The following MAPK8IP3 variants were observed in gnomAD, a reference collection of about 807,000 sequenced individuals.
MAPK8IP3 encodes the protein C-Jun-amino-terminal kinase-interacting protein 3.
In MAPK8IP3, 49 loss-of-function variants were observed where a neutral mutation model predicts 157.8. That is an observed-to-expected ratio of 0.31 (90% confidence interval 0.25 to 0.39). MAPK8IP3 has a LOEUF of 0.39. MAPK8IP3 is among the 10% of genes least tolerant of loss of function. The pLI is 1.00. For missense variants in MAPK8IP3, 1,478 were observed against 1,889.4 expected (o/e 0.78, Z 4.04); for synonymous variants, 897 against 777.7 (o/e 1.15, Z -2.55).
In MAPK8IP3 at chr16:1,766,953, A is replaced by G; in HGVS notation, c.3070A>G (p.Ile1024Val). 2 of 1,591,180 alleles carry G rather than the reference A, an allele frequency of 1.3e-6. No individual in the cohort carries two copies. The highest frequency in any genetic ancestry group is 1.7e-6 in the Non-Finnish European group (2 of 1,166,394). Residue 1024 changes from isoleucine to valine, a missense_variant, in exon 25 of 32, where the codon ATC becomes GTC. By Grantham distance (29) the Ile-to-Val change is conservative. Transcript: ENST00000610761. ...LVALADGTLA[I>V]FHRGEDGQWD... ...GGCTCTGGCGGACGGGACCCTGGCC[A>G]TCTTCCACCGTGGTGAAGGTGGGGC...
chr16:1,713,266 C>T (rs1471104341), intron 1 of MAPK8IP3, among the ~76,000 whole-genome samples: 1 of 152,168 alleles, frequency 6.6e-6, no homozygotes, highest in Non-Finnish European at 1.5e-5. Flanking sequence ...TTACTTGTTT[C>T]GGAGATGAGG....
In MAPK8IP3 at chr16:1,748,234, T is replaced by G; in HGVS notation, c.995-10T>G. The G allele has an allele frequency of 6.2e-7, 1 of 1,607,522 alleles. No homozygotes were observed. The highest frequency in any genetic ancestry group is 1.3e-5 in the African/African-American group (1 of 74,898). ...CTCCTGACCCCAGGTGCCCCTGTGC[T>G]CTCCCCTAGGCATGGGCAGCAGTGA... On this transcript the variant is annotated splice_polypyrimidine_tract_variant and intron_variant, in intron 6 of 31. Transcript: ENST00000610761.
intron 2 of MAPK8IP3, among the ~76,000 whole-genome samples, chr16:1,725,132 C>A (rs565704464): frequency 2.7e-5 from 4 of 149,856 alleles, no homozygotes; most frequent in African/African-American, 9.9e-5. Flanking sequence ...CCCTGCAAGG[C>A]GAAGTAGCAG....
chr16:1,760,641 G>GCCTA, intron 12 of MAPK8IP3, 109 bp downstream of exon 12: 1 of 1,356,952 alleles, frequency 7.4e-7, no homozygotes, highest in Non-Finnish European at 9.9e-7. Context: ...TCTGTGCATA[G>GCCTA]CCTACCTACC....
At position 1,768,502 on chromosome 16, in the gene MAPK8IP3, G is replaced by C. The variant is rs2076431; in HGVS notation, c.3768G>C (p.Gly1256=). The change falls in exon 31 of 32, where the codon GGG becomes GGC. Residue 1256 remains glycine, a synonymous_variant. Transcript: ENST00000610761. The part of the protein sequence containing the change: ...VPGNVLATLN[G]SVLDSPAEGP... ...GGAACGTGCTGGCCACCCTGAATGGGAGTGTGCTGGACAGCCCAGCCGAGG... is the reference window on the plus strand; with the variant it reads ...GGAACGTGCTGGCCACCCTGAATGGCAGTGTGCTGGACAGCCCAGCCGAGG... The C allele has an allele frequency of 0.78, 1,222,031 of 1,557,170 alleles. 481,043 individuals are homozygous for C. Among genetic ancestry groups the C allele is most frequent in the Admixed American group, 0.87 (45,483 of 51,988 alleles).
chr16:1,767,096 G>A, intron 25 of MAPK8IP3, 53 bp from the exon 26 acceptor site: 1 of 1,604,250 alleles, frequency 6.2e-7, no homozygotes, highest in Non-Finnish European at 8.5e-7. Context: ...CCGATGCCCT[G>A]AGCAGAGGTG....
Position 1,764,167 on chromosome 16 carries a change from C to T in MAPK8IP3, c.2078C>T (p.Pro693Leu), listed in dbSNP as rs1170358324. ...ACGCGGATGAAGAACGTGCCGGTGC[C>T]GGTGTACTGCCGCCCTCTGGTGGAG... is the stretch of plus-strand genomic sequence containing the variant. ...EDTRMKNVPV[P>L]VYCRPLVEKD... is the part of the protein sequence containing the mutation. Residue 693 changes from proline to leucine, a missense_variant, in exon 18 of 32, where the codon CCG becomes CTG. Around this residue, in one of 11 missense-constraint regions of MAPK8IP3, gnomAD observed 669 missense variants for 759.8 expected, o/e 0.88. Transcript: ENST00000610761. 1 of 1,611,670 alleles carries T rather than the reference C, an allele frequency of 6.2e-7. No homozygotes were observed. Among genetic ancestry groups the T allele is most frequent in the Non-Finnish European group, 8.5e-7 (1 of 1,179,570 alleles).
At chr16:1,718,717 TG>T (rs1240206884) in intron 1 of MAPK8IP3, among the ~76,000 whole-genome samples, 1 of 150,354 alleles carries the variant, frequency 6.7e-6, no homozygotes, top group African/African-American at 2.5e-5. Flanking sequence ...CGCTTGAACC[TG>T]GGAGATGGAG....
At chr16:1,758,099 C>T (rs1385401522) in intron 8 of MAPK8IP3, 49 bp from the exon 9 acceptor site, 7 of 1,608,708 alleles carry the variant, frequency 4.4e-6, no homozygotes, top group South Asian at 2.2e-5. Flanking sequence ...CCTAATTGAC[C>T]TTTGTCCCTT....
chr16:1,746,526 T>G (rs544248476), intron 5 of MAPK8IP3: 1 of 163,510 alleles, frequency 6.1e-6, no homozygotes, highest in African/African-American at 2.4e-5. Flanking sequence ...GGCCCTGACC[T>G]GAGCCCGGGG....
chr16:1,753,243 C>T (rs950628319), intron 8 of MAPK8IP3, among the ~76,000 whole-genome samples: 1 of 152,248 alleles, frequency 6.6e-6, no homozygotes, highest in East Asian at 1.9e-4. Context: ...TGTATTCCAT[C>T]GAATCTCAGA....
intron 26 of MAPK8IP3, 98 bp downstream of exon 26, chr16:1,767,395 G>A: frequency 6.5e-7 from 1 of 1,548,324 alleles, no homozygotes; most frequent in Non-Finnish European, 8.8e-7. Flanking sequence ...CCCTACGTGG[G>A]TCCCATCTCC....
At chr16:1,744,133 G>A (rs2040835570) in intron 5 of MAPK8IP3, 1 of 985,514 alleles carries the variant, frequency 1.0e-6, no homozygotes, top group African/African-American at 1.7e-5. Context: ...ACTCCTTCAG[G>A]GCCCCAGGTC....
chr16:1,744,452 T>C, intron 5 of MAPK8IP3: 1 of 985,866 alleles, frequency 1.0e-6, no homozygotes, highest in Non-Finnish European at 1.2e-6. Context: ...GCTGCTGCGC[T>C]GCTCTGGGAG....
At chr16:1,725,197 G>A (rs1055034264) in intron 2 of MAPK8IP3, among the ~76,000 whole-genome samples, 2 of 147,020 alleles carry the variant, frequency 1.4e-5, no homozygotes, top group African/African-American at 5.1e-5. Context: ...AAGAACAGTT[G>A]GTTTACTTAC....
chr16:1,706,934 C>T lies in MAPK8IP3; in HGVS notation c.318+277C>T, dbSNP rs1462626353. On this transcript the variant is annotated intron_variant, in intron 1 of 31. Transcript: ENST00000610761. This position sits in a 1 kb window ranked among gnomAD's most constrained non-coding sequence, Gnocchi z 5.1. ...GACTCCCGGGGACCCCCTTTTCCGC[C>T]CAGGCCTGGGCCCTGGCCCCCTCCT... Among the ~76,000 whole-genome samples the T allele has an allele frequency of 6.6e-6, 1 of 151,052 alleles. No homozygotes were observed. Among genetic ancestry groups the T allele is most frequent in the East Asian group, 2.0e-4 (1 of 5,084 alleles).
In MAPK8IP3 at chr16:1,760,395, G is replaced by A. The variant is rs372561366; in HGVS notation, c.1320G>A (p.Val440=). The A allele has an allele frequency of 6.2e-7, 1 of 1,612,988 alleles. No individual in the cohort carries two copies. Among genetic ancestry groups the A allele is most frequent in the Non-Finnish European group, 8.5e-7 (1 of 1,179,380 alleles). Residue 440 remains valine, a synonymous_variant, in exon 12 of 32, where the codon GTG becomes GTA. Transcript: ENST00000610761. ...TTTTTCAAAGAAACGCCTTGAATGT[G>A]GTGAAGAATGACCTGATTGCCAAGG... is the stretch of plus-strand genomic sequence containing the variant. ...QLLETKNALN[V]VKNDLIAKVD... is the part of the protein sequence containing the mutation.
At position 1,768,731 on chromosome 16, in the gene MAPK8IP3, G is replaced by A. The variant is rs780663643; in HGVS notation, c.3921G>A (p.Glu1307=). The A allele has an allele frequency of 1.9e-6, 3 of 1,612,658 alleles. No homozygotes were observed. The highest frequency in any genetic ancestry group is 2.2e-5 in the South Asian group (2 of 91,088). ...IGDGEDDETE[E]GAGDMSQVKP... is the part of the protein sequence containing the mutation. ...ACGGAGAGGACGACGAGACGGAGGA[G>A]GGCGCAGGGGACATGAGCCAGGTGA... The change falls in exon 32 of 32, where the codon GAG becomes GAA. Residue 1307 remains glutamate (E), a synonymous_variant. Coordinates refer to ENST00000610761, the MANE Select transcript of MAPK8IP3 (RefSeq NM_001318852.2).
At chr16:1,723,756 G>A (rs2142330311) in intron 1 of MAPK8IP3, among the ~76,000 whole-genome samples, 1 of 152,306 alleles carries the variant, frequency 6.6e-6, no homozygotes, top group South Asian at 2.1e-4. Flanking sequence ...GGCTGCTGTA[G>A]GAACTACACT....
Sources: allele counts gnomAD v4.1 joint callset (sites outside exome capture counted in the v4.1 genomes callset), GRCh38; gene constraint gnomAD v4.1.1; regional missense constraint gnomAD v4.1.1; non-coding constraint Gnocchi (gnomAD v3.1); transcripts MANE v1.5; gene names NCBI Gene and HGNC (gene_info 2026-07-23, HGNC 2026-07-21).